The following ACAA2 variants were observed in gnomAD, a reference collection of about 807,000 sequenced individuals.
ACAA2 encodes acetyl-CoA acyltransferase 2.
A neutral mutation model predicts 44.8 loss-of-function variants in ACAA2; 35 were observed. The ratio of observed to expected loss-of-function variants is 0.78; its 90% CI spans 0.60 to 1.04. The LOEUF (loss-of-function observed/expected upper bound fraction) is 1.04. ACAA2 is among the 50% of genes least tolerant of loss of function. The pLI, the probability that ACAA2 is intolerant of heterozygous loss-of-function variation, is 0.00. For missense variants in ACAA2, 468 were observed against 482.6 expected (o/e 0.97, Z 0.28); for synonymous variants, 142 against 166.5 (o/e 0.85, Z 1.13).
intron 1 of ACAA2, among the ~76,000 whole-genome samples, chr18:49,812,546 C>T (rs1252169114): frequency 6.6e-6 from 1 of 152,188 alleles, no homozygotes; most frequent in Non-Finnish European, 1.5e-5. Flanking sequence ...AATTACACTG[C>T]CCCACACGAG....
chr18:49,807,212 T>G (rs1405858807), intron 1 of ACAA2, among the ~76,000 whole-genome samples: 1 of 151,944 alleles, frequency 6.6e-6, no homozygotes, highest in Non-Finnish European at 1.5e-5. Flanking sequence ...CTAGGCAACA[T>G]AGCGAGATCC....
intron 5 of ACAA2, 99 bp from the exon 6 acceptor site, chr18:49,792,426 C>A: frequency 9.1e-7 from 1 of 1,093,012 alleles, no homozygotes; most frequent in Non-Finnish European, 1.3e-6. Context: ...ACCTTTTCCT[C>A]ACAGTCTACT....
At chr18:49,809,368 T>C (rs529097984) in intron 1 of ACAA2, among the ~76,000 whole-genome samples, 2 of 152,150 alleles carry the variant, frequency 1.3e-5, no homozygotes, top group Non-Finnish European at 2.9e-5. Context: ...AAGACAGGCG[T>C]TAAGAGTATT....
At chr18:49,808,320 A>G (rs971071149) in intron 1 of ACAA2, among the ~76,000 whole-genome samples, 1 of 152,208 alleles carries the variant, frequency 6.6e-6, no homozygotes, top group African/African-American at 2.4e-5. Flanking sequence ...AACACACCTA[A>G]CCATATGTAT....
At chr18:49,796,368 C>G (rs935241249) in intron 3 of ACAA2, among the ~76,000 whole-genome samples, 1 of 152,152 alleles carries the variant, frequency 6.6e-6, no homozygotes, top group Non-Finnish European at 1.5e-5. Context: ...GTTTGCCTTT[C>G]TCAGAAAAGG....
rs561130478 is a variant in ACAA2, at chr18:49,785,435, C to T, written c.955-84G>A. On this transcript the variant is annotated intron_variant, in intron 8 of 9. Coordinates refer to ENST00000285093, the MANE Select transcript of ACAA2 (RefSeq NM_006111.3). ...GAGAATGGTCCAGTCCTATCAACAG[C>T]TAAGTCTGCTGTTTCTTCCTATTTA... The T allele has an allele frequency of 1.0e-3, 1,379 of 1,332,128 alleles. 8 individuals are homozygous for T. The highest frequency in any genetic ancestry group is 6.6e-4 in the Middle Eastern group (3 of 4,556). 82.5% of individuals were successfully genotyped at this position (1,332,128 alleles called of 1,614,324 possible).
At chr18:49,805,758 T>C (rs1440948988) in intron 1 of ACAA2, among the ~76,000 whole-genome samples, 1 of 151,462 alleles carries the variant, frequency 6.6e-6, no homozygotes, top group African/African-American at 2.4e-5. Flanking sequence ...TACCTTTTTT[T>C]CTTTTTTTTT....
intron 3 of ACAA2, among the ~76,000 whole-genome samples, chr18:49,796,116 C>T (rs2023462110): frequency 6.6e-6 from 1 of 152,086 alleles, no homozygotes; most frequent in South Asian, 2.1e-4. Context: ...GAGTAACAGG[C>T]CCTACCTACA....
At chr18:49,802,898 A>G in intron 1 of ACAA2, 45 bp from the exon 2 acceptor site, 1 of 1,584,914 alleles carries the variant, frequency 6.3e-7, no homozygotes, top group South Asian at 1.1e-5. Flanking sequence ...AGGTTAGTAA[A>G]TACCTCTAAA....
intron 1 of ACAA2, among the ~76,000 whole-genome samples, chr18:49,803,595 T>C (rs2143973586): frequency 1.3e-5 from 2 of 152,336 alleles, no homozygotes; most frequent in Middle Eastern, 6.8e-3. Context: ...TGCTACACTG[T>C]GATGTAAAGC....
chr18:49,798,009 T>C (rs767006846), intron 2 of ACAA2, among the ~76,000 whole-genome samples: 12 of 152,226 alleles, frequency 7.9e-5, no homozygotes, highest in African/African-American at 2.4e-4. Flanking sequence ...ATTAGAGTTA[T>C]TTAAAAATGG....
chr18:49,791,412 CA>C, intron 7 of ACAA2, 57 bp downstream of exon 7: 2 of 1,558,734 alleles, frequency 1.3e-6, no homozygotes, highest in Non-Finnish European at 1.7e-6. Flanking sequence ...CTCTGAATGC[CA>C]AAGAAGACTT....
intron 1 of ACAA2, chr18:49,811,393 T>C (rs1373085691): frequency 6.6e-6 from 1 of 152,094 alleles, no homozygotes; most frequent in Non-Finnish European, 1.5e-5. Flanking sequence ...CCTGTCTACT[T>C]GCCTTGAAAA....
chr18:49,789,626 A>C (rs2023374874), intron 7 of ACAA2, among the ~76,000 whole-genome samples: 1 of 152,226 alleles, frequency 6.6e-6, no homozygotes, highest in Non-Finnish European at 1.5e-5. Context: ...TAAAATAGCC[A>C]ACCCATGTCA....
Position 49,797,565 on chromosome 18 carries a change from C to T in ACAA2, c.213G>A (p.Arg71=), listed in dbSNP as rs148939243. Residue 71 remains arginine, a synonymous_variant, in exon 3 of 10, where the codon AGG becomes AGA. Coordinates refer to ENST00000285093, the MANE Select transcript of ACAA2 (RefSeq NM_006111.3). ...GGATTCCCACACGCAAACCAACATG[C>T]CTTGCCAAATATATAGCATCTGAAG... ...QSSSDAIYLA[R]HVGLRVGIPK... The T allele has an allele frequency of 8.5e-4, 1,367 of 1,611,610 alleles. 3 individuals are homozygous for T. Among genetic ancestry groups the T allele is most frequent in the Non-Finnish European group, 8.1e-4 (956 of 1,179,044 alleles).
At chr18:49,784,135 AG>A (rs376246472) in intron 9 of ACAA2, among the ~76,000 whole-genome samples, 1 of 149,364 alleles carries the variant, frequency 6.7e-6, no homozygotes, top group South Asian at 2.6e-4. Context: ...CAAAAAACAA[AG>A]AACAAAAACA....
At chr18:49,786,489 A>G (rs2023330770) in intron 8 of ACAA2, 1 of 152,222 alleles carries the variant, frequency 6.6e-6, no homozygotes, top group South Asian at 2.1e-4. Flanking sequence ...AAAGTGGAAG[A>G]GATTTAAAGA....
intron 1 of ACAA2, chr18:49,811,342 G>A (rs566716350): frequency 6.6e-6 from 1 of 152,218 alleles, no homozygotes; most frequent in East Asian, 1.9e-4. Flanking sequence ...GGAAAGCTGC[G>A]GTGGCATCCA....
At chr18:49,807,343 TG>T (rs1168402245) in intron 1 of ACAA2, among the ~76,000 whole-genome samples, 1 of 152,228 alleles carries the variant, frequency 6.6e-6, no homozygotes, top group East Asian at 1.9e-4. Flanking sequence ...CACTCCAGCC[TG>T]GGTGACAGAG....
Sources: allele counts gnomAD v4.1 joint callset (sites outside exome capture counted in the v4.1 genomes callset), GRCh38; gene constraint gnomAD v4.1.1; transcripts MANE v1.5; gene names NCBI Gene and HGNC (gene_info 2026-07-23, HGNC 2026-07-21).